Variants in MAP1A observed in about 807,000 individuals in gnomAD.
MAP1A encodes the protein microtubule-associated protein 1A.
A neutral mutation model predicts 185.9 loss-of-function variants in MAP1A; 42 were observed. That is an observed-to-expected ratio of 0.23 (90% CI 0.18 to 0.29). The LOEUF (loss-of-function observed/expected upper bound fraction) is 0.29, where lower values mean the gene tolerates loss of function less well. MAP1A is among the 10% of genes least tolerant of loss of function. MAP1A has a pLI of 1.00. For synonymous variants in MAP1A, 1,229 were observed against 1,335.9 expected (o/e 0.92, Z 1.74); for missense variants, 2,995 against 3,450.4 (o/e 0.87, Z 3.31).
rs770613581 is a variant in MAP1A, at chr15:43,527,873, G to A, written c.6400G>A (p.Gly2134Arg). Residue 2134 changes from glycine to arginine, a missense_variant, in exon 4 of 6, where the codon GGG becomes AGG. By Grantham distance (125) the Gly-to-Arg change is moderately radical. Transcript: ENST00000300231. ...AAGTCCTCCTCACCCCATTCCTATG[G>A]GGTCCCCCACATTATGGCCAGAAAC... ...SPSPPHPIPM[G>R]SPTLWPETEA... is the part of the protein sequence containing the mutation. 3.1e-6 allele frequency: 5 copies of A among 1,614,052 alleles called. No homozygotes were observed. Among genetic ancestry groups the A allele is most frequent in the Admixed American group, 1.7e-5 (1 of 60,020 alleles).
Position 43,524,919 on chromosome 15 carries a change from A to G in MAP1A, c.3446A>G (p.Asp1149Gly). Residue 1149 changes from aspartate to glycine, a missense_variant, in exon 4 of 6, where the codon GAT becomes GGT. By Grantham distance (94) the Asp-to-Gly change is moderately conservative (BLOSUM62 -1). Around this residue, in one of 3 missense-constraint regions of MAP1A, gnomAD observed 2,728 missense variants for 2,986.0 expected, o/e 0.91. Transcript: ENST00000300231. ...CCTGACCGAAGCCTCTCTCCTGAAGATGCAGAATCCCTCTCTGTCCTCAGC... is the reference window on the plus strand; with the variant it reads ...CCTGACCGAAGCCTCTCTCCTGAAGGTGCAGAATCCCTCTCTGTCCTCAGC... Reference protein sequence around the residue: ...RYPDRSLSPEDAESLSVLSVP... With the variant: ...RYPDRSLSPEGAESLSVLSVP... The G allele has an allele frequency of 3.1e-6, 5 of 1,614,164 alleles. No individual in the cohort carries two copies. The highest frequency in any genetic ancestry group is 4.2e-6 in the Non-Finnish European group (5 of 1,180,036).
Position 43,527,229 on chromosome 15 carries a change from A to G in MAP1A, c.5756A>G (p.Glu1919Gly), listed in dbSNP as rs200822432. 1.2e-4 allele frequency: 192 copies of G among 1,613,986 alleles called. No individual in the cohort carries two copies. Among genetic ancestry groups the G allele is most frequent in the Non-Finnish European group, 1.4e-4 (164 of 1,179,994 alleles). Residue 1919 changes from glutamate to glycine, a missense_variant, in exon 4 of 6, where the codon GAA becomes GGA. By Grantham distance (98) the Glu-to-Gly change is moderately conservative. Coordinates refer to ENST00000300231, the MANE Select transcript of MAP1A (RefSeq NM_002373.6). ...AAGGCTGAAGGGGAAAGGGAAGAAG[A>G]AGGTAGGGCTGAGGCTCCTGACAAA... ...YRKAEGEREE[E>G]GRAEAPDKSS...
At position 43,527,344 on chromosome 15, in the gene MAP1A, A is replaced by G; in HGVS notation, c.5871A>G (p.Thr1957=). 6.2e-7 allele frequency: 1 copy of G among 1,614,116 alleles called. No homozygotes were observed. The highest frequency in any genetic ancestry group is 8.5e-7 in the Non-Finnish European group (1 of 1,179,992). Residue 1957 remains threonine (T), a synonymous_variant, in exon 4 of 6, where the codon ACA becomes ACG. Transcript: ENST00000300231. ...EQTEPEQREP[T]PYPDERSFQY... is the part of the protein sequence containing the mutation. ...CTGAGCCGGAGCAGAGAGAGCCCAC[A>G]CCCTATCCTGATGAGAGAAGCTTTC...
Position 43,522,258 on chromosome 15 carries a change from T to C in MAP1A, c.785T>C (p.Ile262Thr). ...CTACCAGCCAATCCCACTGAGAAGA[T>C]TGTGCGTGTGCTTTTTCCAGGAAAT... ...VWLPANPTEK[I>T]VRVLFPGNAP... The change falls in exon 4 of 6, where the codon ATT (isoleucine) becomes ACT (threonine). Residue 262 changes from isoleucine to threonine, a missense_variant. Physicochemically the swap from Ile to Thr is moderately conservative, Grantham distance 89 (BLOSUM62 -1). This residue lies in a region of MAP1A where 264 missense variants were observed against 435.3 expected (regional missense o/e 0.61). Coordinates refer to ENST00000300231, the MANE Select transcript of MAP1A (RefSeq NM_002373.6). The surrounding 1 kb of genome is among the most constrained non-coding windows in gnomAD (Gnocchi z 5.9). 2 of 1,614,138 alleles carry C rather than the reference T, an allele frequency of 1.2e-6. No homozygotes were observed. The highest frequency in any genetic ancestry group is 1.1e-5 in the South Asian group (1 of 91,078).
upstream of MAP1A, among the ~76,000 whole-genome samples, chr15:43,513,243 C>T (rs1595643849): frequency 1.3e-5 from 2 of 152,116 alleles, no homozygotes; most frequent in Admixed American, 1.3e-4. Flanking sequence ...AGGAGAATCG[C>T]TTGAACCCGG....
rs779584048 is a variant in MAP1A at position 43,528,927 on chromosome 15, C to T, written c.7454C>T (p.Pro2485Leu). Residue 2485 changes from proline (P) to leucine (L), a missense_variant, in exon 4 of 6, where the codon CCA becomes CTA. Physicochemically the swap from Pro to Leu is moderately conservative, Grantham distance 98. Transcript: ENST00000300231. ...GRGGRRRVGGPGTTGGPCPVT... is the reference protein window; with the variant it reads ...GRGGRRRVGGLGTTGGPCPVT... The stretch of plus-strand genomic sequence containing the variant: ...GGGGGGCGGCGCCGGGTAGGGGGGC[C>T]AGGGACCACTGGGGGCCCATGCCCT... 7 of 1,612,870 alleles carry T rather than the reference C, an allele frequency of 4.3e-6. No individual in the cohort carries two copies. In the East Asian group the frequency reaches 1.6e-4, roughly 36 times the overall value.
rs956080248 is a variant in MAP1A, at chr15:43,525,610, G to T, written c.4137G>T (p.Val1379=). ...QKDKTLEHKE[V]VEPKDTAIYQ... ...ACAAAACTCTGGAGCACAAGGAGGT[G>T]GTAGAGCCGAAGGATACAGCCATCT... is the stretch of plus-strand genomic sequence containing the variant. The change falls in exon 4 of 6, where the codon GTG becomes GTT. Residue 1379 remains valine (V), a synonymous_variant. Transcript: ENST00000300231. The T allele has an allele frequency of 3.5e-5, 57 of 1,611,506 alleles. No homozygotes were observed. Among genetic ancestry groups the T allele is most frequent in the Non-Finnish European group, 4.7e-5 (55 of 1,179,304 alleles).
Position 43,530,239 on chromosome 15 carries a change from C to G in MAP1A, c.*15C>G. 1 of 1,613,492 alleles carries G rather than the reference C, an allele frequency of 6.2e-7. No homozygotes were observed. ...TTGAGTTCTGAAAGAGCCGCCCTCCCTTCCCCAAGGATCCACTCCCCCAGC... is the reference window on the plus strand; with the variant it reads ...TTGAGTTCTGAAAGAGCCGCCCTCCGTTCCCCAAGGATCCACTCCCCCAGC... On this transcript the variant is annotated 3_prime_UTR_variant, in exon 6 of 6. Coordinates refer to ENST00000300231, the MANE Select transcript of MAP1A (RefSeq NM_002373.6).
In MAP1A at chr15:43,522,307, G is replaced by A. The variant is rs2140205420; in HGVS notation, c.834G>A (p.Glu278=). 1 of 1,614,186 alleles carries A rather than the reference G, an allele frequency of 6.2e-7. No individual in the cohort carries two copies. Among genetic ancestry groups the A allele is most frequent in the South Asian group, 1.1e-5 (1 of 91,088 alleles). The change falls in exon 4 of 6, where the codon GAG becomes GAA. Residue 278 remains glutamate, a synonymous_variant. Transcript: ENST00000300231. This position sits in a 1 kb window ranked among gnomAD's most constrained non-coding sequence, Gnocchi z 5.9. ...ATGCTCCCCAAAACAAGATCTTGGA[G>A]GGCCTAGAAAAGCTTCGGCATCTGG... ...PGNAPQNKIL[E]GLEKLRHLDF... is the part of the protein sequence containing the mutation.
chr15:43,530,554 C>T lies in MAP1A; in HGVS notation c.*330C>T, dbSNP rs956593593. 3.8e-6 allele frequency: 1 copy of T among 261,316 alleles called. No homozygotes were observed. Among genetic ancestry groups the T allele is most frequent in the South Asian group, 7.9e-5 (1 of 12,594 alleles). The allele number at this position is 261,316 out of a possible 1,614,324, so 16.2% of individuals were successfully genotyped here. A position where few individuals can be genotyped will look rare whatever the true frequency, so the allele number is the denominator to read the frequency against. On this transcript the variant is annotated 3_prime_UTR_variant, in exon 6 of 6. Coordinates refer to ENST00000300231, the MANE Select transcript of MAP1A (RefSeq NM_002373.6). ...AGGATGGGTCTCAGAGAGCAACCTC[C>T]TCCCTCGTAGAGGGAGATTATATCC...
chr15:43,511,012 G>C, exon 1 of MAP1A: 1 of 1,546,058 alleles, frequency 6.5e-7, no homozygotes, highest in Non-Finnish European at 8.7e-7. Flanking sequence ...CCGAGCCTGC[G>C]CGGCCTCACG....
rs2079343241 is a variant in MAP1A at position 43,526,302 on chromosome 15, A to C, written c.4829A>C (p.Lys1610Thr). The C allele has an allele frequency of 1.1e-5, 17 of 1,613,978 alleles. No individual in the cohort carries two copies. The highest frequency in any genetic ancestry group is 1.4e-5 in the Non-Finnish European group (17 of 1,180,024). ...GAAAAGGTCAAGGCCATGGAAGAGAAGTTAGAAGCTCTTCTGGAGAAGACC... is the reference window on the plus strand; with the variant it reads ...GAAAAGGTCAAGGCCATGGAAGAGACGTTAGAAGCTCTTCTGGAGAAGACC... ...SPEKVKAMEE[K>T]LEALLEKTKA... is the part of the protein sequence containing the mutation. The change falls in exon 4 of 6, where the codon AAG (lysine) becomes ACG (threonine). Residue 1610 changes from lysine to threonine, a missense_variant. Physicochemically the swap from Lys to Thr is moderately conservative, Grantham distance 78. This residue lies in a region of MAP1A where 2,728 missense variants were observed against 2,986.0 expected (regional missense o/e 0.91). Transcript: ENST00000300231. This position sits in a 1 kb window ranked among gnomAD's most constrained non-coding sequence, Gnocchi z 4.7.
intron 1 of MAP1A, chr15:43,511,354 G>A: frequency 1.4e-6 from 1 of 697,972 alleles, no homozygotes; most frequent in South Asian, 1.8e-5. Flanking sequence ...CTGCGCCCTT[G>A]TCACCTGCAT....
exon 1 of MAP1A, chr15:43,511,040 A>T: frequency 6.5e-7 from 1 of 1,548,670 alleles, no homozygotes; most frequent in South Asian, 1.2e-5. Flanking sequence ...CATGGAGACA[A>T]CTCCGGGGCT....
rs745454276 is a variant in MAP1A at position 43,524,930 on chromosome 15, C to T, written c.3457C>T (p.Leu1153Phe). The T allele has an allele frequency of 1.4e-5, 23 of 1,614,026 alleles. No homozygotes were observed. Among genetic ancestry groups the T allele is most frequent in the Non-Finnish European group, 1.9e-5 (22 of 1,180,040 alleles). ...CCTCTCTCCTGAAGATGCAGAATCC[C>T]TCTCTGTCCTCAGCGTGCCCTCCCC... is the stretch of plus-strand genomic sequence containing the variant. Reference protein sequence around the residue: ...RSLSPEDAESLSVLSVPSPDT... With the variant: ...RSLSPEDAESFSVLSVPSPDT... The change falls in exon 4 of 6, where the codon CTC becomes TTC. Residue 1153 changes from leucine to phenylalanine, a missense_variant. Around this residue, in one of 3 missense-constraint regions of MAP1A, gnomAD observed 2,728 missense variants for 2,986.0 expected, o/e 0.91. Transcript: ENST00000300231.
chr15:43,524,174 C>A lies in MAP1A; in HGVS notation c.2701C>A (p.Leu901Met). 2 of 1,614,182 alleles carry A rather than the reference C, an allele frequency of 1.2e-6. No individual in the cohort carries two copies. Among genetic ancestry groups the A allele is most frequent in the Non-Finnish European group, 1.7e-6 (2 of 1,180,030 alleles). Reference protein sequence around the residue: ...SAGTISPTSSLEEDKGFKSPP... With the variant: ...SAGTISPTSSMEEDKGFKSPP... Reference sequence around the variant, plus strand: ...TGGTACCATCTCACCCACCTCCTCACTGGAAGAAGACAAGGGCTTCAAATC... The same window carrying A: ...TGGTACCATCTCACCCACCTCCTCAATGGAAGAAGACAAGGGCTTCAAATC... The change falls in exon 4 of 6, where the codon CTG becomes ATG. Residue 901 changes from leucine (L) to methionine (M), a missense_variant. Leu to Met is a conservative substitution (Grantham distance 15). Transcript: ENST00000300231.
intron 1 of MAP1A, among the ~76,000 whole-genome samples, chr15:43,520,437 G>A (rs1371599300): frequency 6.6e-6 from 1 of 152,168 alleles, no homozygotes; most frequent in African/African-American, 2.4e-5. Context: ...GACAGCCAGT[G>A]TGGGAGAGGG....
In MAP1A at chr15:43,529,283, C is replaced by G. The variant is rs762837712; in HGVS notation, c.7810C>G (p.Arg2604Gly). 6 of 1,612,674 alleles carry G rather than the reference C, an allele frequency of 3.7e-6. No homozygotes were observed. Among genetic ancestry groups the G allele is most frequent in the Non-Finnish European group, 4.2e-6 (5 of 1,179,458 alleles). ...ACGGGAGAAGGAAAAGGTTCAGGGGCGAGTAGGGCGCAGGGCCCCAGGCAA... is the reference window on the plus strand; with the variant it reads ...ACGGGAGAAGGAAAAGGTTCAGGGGGGAGTAGGGCGCAGGGCCCCAGGCAA... ...RLREKEKVQG[R>G]VGRRAPGKAK... The change falls in exon 4 of 6, where the codon CGA (arginine) becomes GGA (glycine). Residue 2604 changes from arginine (R) to glycine (G), a missense_variant. This residue lies in a region of MAP1A where 2,728 missense variants were observed against 2,986.0 expected (regional missense o/e 0.91). Coordinates refer to ENST00000300231, the MANE Select transcript of MAP1A (RefSeq NM_002373.6). This position sits in a 1 kb window ranked among gnomAD's most constrained non-coding sequence, Gnocchi z 4.3.
rs1356096552 is a variant in MAP1A at position 43,527,306 on chromosome 15, G to C, written c.5833G>C (p.Glu1945Gln). The C allele has an allele frequency of 6.2e-7, 1 of 1,614,066 alleles. No individual in the cohort carries two copies. The highest frequency in any genetic ancestry group is 8.5e-7 in the Non-Finnish European group (1 of 1,180,018). ...PEASKSHATT[E>Q]PEQTEPEQRE... is the part of the protein sequence containing the mutation. ...GGCCAGCAAAAGCCATGCCACCACGGAGCCTGAGCAGACTGAGCCGGAGCA... is the reference window on the plus strand; with the variant it reads ...GGCCAGCAAAAGCCATGCCACCACGCAGCCTGAGCAGACTGAGCCGGAGCA... The change falls in exon 4 of 6, where the codon GAG becomes CAG. Residue 1945 changes from glutamate to glutamine, a missense_variant. Around this residue, in one of 3 missense-constraint regions of MAP1A, gnomAD observed 2,728 missense variants for 2,986.0 expected, o/e 0.91. Transcript: ENST00000300231.
Sources: allele counts gnomAD v4.1 joint callset (sites outside exome capture counted in the v4.1 genomes callset), GRCh38; gene constraint gnomAD v4.1.1; regional missense constraint gnomAD v4.1.1; non-coding constraint Gnocchi (gnomAD v3.1); transcripts MANE v1.5; gene names NCBI Gene and HGNC (gene_info 2026-07-23, HGNC 2026-07-21).